Variants in CCDC201 observed in about 807,000 individuals in gnomAD.
CCDC201 encodes the protein coiled-coil domain containing 201.
At chr7:45,867,585 G>T (rs1370549583) in intron 1 of CCDC201, among the ~76,000 whole-genome samples, 1 of 152,204 alleles carries the variant, frequency 6.6e-6, no homozygotes, top group Admixed American at 6.5e-5. Context: ...CATGTCCATT[G>T]CCTGGACAGA....
At chr7:45,881,991 C>G in the CCDC201 span, among the ~76,000 whole-genome samples, 1 of 152,136 alleles carries the variant, frequency 6.6e-6, no homozygotes, top group Non-Finnish European at 1.5e-5. Context: ...GGCAGCACGT[C>G]GGGCCTTTGC....
At chr7:45,883,094 T>TAAACG in the CCDC201 span, among the ~76,000 whole-genome samples, 1 of 152,070 alleles carries the variant, frequency 6.6e-6, no homozygotes, top group African/African-American at 2.4e-5. Context: ...ATAGTAAACG[T>TAAACG]TTATGAAACA....
At chr7:45,881,521 C>T in the CCDC201 span, among the ~76,000 whole-genome samples, 13 of 152,162 alleles carry the variant, frequency 8.5e-5, no homozygotes, top group Non-Finnish European at 1.6e-4. Flanking sequence ...GGGGATGGGC[C>T]TTTCTACTCA....
the CCDC201 span, among the ~76,000 whole-genome samples, chr7:45,879,919 CT>C: frequency 3.9e-5 from 6 of 152,138 alleles, no homozygotes; most frequent in African/African-American, 1.4e-4. Context: ...AACCCCATCT[CT>C]ATTAAAAATA....
At chr7:45,868,234 G>T (rs1270654967) in intron 1 of CCDC201, among the ~76,000 whole-genome samples, 3 of 152,150 alleles carry the variant, frequency 2.0e-5, no homozygotes, top group Admixed American at 2.0e-4. Flanking sequence ...ATTGGTGGGA[G>T]GCCTCAGTTT....
chr7:45,864,666 C>A (rs1786649584), intron 2 of CCDC201, among the ~76,000 whole-genome samples: 1 of 152,084 alleles, frequency 6.6e-6, no homozygotes, highest in Non-Finnish European at 1.5e-5. Context: ...AAAATCAGCA[C>A]CCTCAGAAGG....
chr7:45,866,573 C>A (rs1156693483), intron 1 of CCDC201, 79 bp from the exon 2 acceptor site: 2 of 152,188 alleles, frequency 1.3e-5, no homozygotes, highest in Non-Finnish European at 2.9e-5. Context: ...TGACCCCAGG[C>A]ACATTCTTAT....
At chr7:45,867,436 T>A (rs1786690530) in intron 1 of CCDC201, among the ~76,000 whole-genome samples, 1 of 152,150 alleles carries the variant, frequency 6.6e-6, no homozygotes, top group Non-Finnish European at 1.5e-5. Context: ...GGCAATGACA[T>A]CCTAAATCAA....
chr7:45,865,510 T>C (rs758157393), intron 2 of CCDC201, among the ~76,000 whole-genome samples: 6 of 152,138 alleles, frequency 3.9e-5, no homozygotes, highest in Non-Finnish European at 7.3e-5. Flanking sequence ...CTTCAAAGCA[T>C]AGGAAGATGC....
chr7:45,884,561 G>C, the CCDC201 span, among the ~76,000 whole-genome samples: 1 of 152,092 alleles, frequency 6.6e-6, no homozygotes, highest in African/African-American at 2.4e-5. Context: ...TGTTATTCCA[G>C]CTCCCAGCAG....
chr7:45,870,197 C>A (rs1272406735), intron 1 of CCDC201, among the ~76,000 whole-genome samples: 1 of 152,202 alleles, frequency 6.6e-6, no homozygotes, highest in Non-Finnish European at 1.5e-5. Context: ...AGTAGTGCAT[C>A]TCATTTGCAC....
intron 1 of CCDC201, among the ~76,000 whole-genome samples, chr7:45,871,308 T>C (rs1409605152): frequency 6.6e-6 from 1 of 152,030 alleles, no homozygotes; most frequent in Non-Finnish European, 1.5e-5. Flanking sequence ...CAAGTCCCTG[T>C]AACTCATGGC....
exon 3 of CCDC201, chr7:45,861,448 ATTT>A (rs1309678612): frequency 5.3e-5 from 8 of 152,328 alleles, no homozygotes; most frequent in South Asian, 4.1e-4. Flanking sequence ...CAGTAAATAA[ATTT>A]TTATCACTCA....
At chr7:45,872,563 G>C (rs1390057457) in intron 1 of CCDC201, among the ~76,000 whole-genome samples, 1 of 152,156 alleles carries the variant, frequency 6.6e-6, no homozygotes, top group African/African-American at 2.4e-5. Flanking sequence ...AGATGGAGGA[G>C]GACCAATGCC....
At chr7:45,865,012 CAA>C (rs1786653430) in intron 2 of CCDC201, among the ~76,000 whole-genome samples, 1 of 151,960 alleles carries the variant, frequency 6.6e-6, no homozygotes, top group African/African-American at 2.4e-5. Flanking sequence ...CCAAGAACCA[CAA>C]AAGGGACCTG....
intron 2 of CCDC201, 74 bp from the exon 3 acceptor site, chr7:45,863,245 T>C (rs74728391): frequency 0.038 from 5,842 of 152,394 alleles, 181 homozygotes; most frequent in Admixed American, 0.086. Context: ...CTGCAAAATG[T>C]GCTTTAGAAA....
the CCDC201 span, among the ~76,000 whole-genome samples, chr7:45,882,257 G>A: frequency 0.017 from 2,588 of 152,198 alleles, 73 homozygotes; most frequent in Non-Finnish European, 0.02. Context: ...GGAAGCACCC[G>A]TGTGACTGCA....
chr7:45,873,287 C>G (rs1786762452), upstream of CCDC201, among the ~76,000 whole-genome samples: 1 of 140,770 alleles, frequency 7.1e-6, no homozygotes, highest in Non-Finnish European at 1.5e-5. Flanking sequence ...CCCCACCCCC[C>G]AGCAACAAGC....
intron 1 of CCDC201, among the ~76,000 whole-genome samples, chr7:45,868,727 C>G (rs1357499858): frequency 6.6e-6 from 1 of 152,148 alleles, no homozygotes; most frequent in East Asian, 1.9e-4. Context: ...TGGGGAGGAC[C>G]CTTCCTCAAC....
Sources: allele counts gnomAD v4.1 joint callset (sites outside exome capture counted in the v4.1 genomes callset), GRCh38; gene constraint gnomAD v4.1.1; transcripts MANE v1.5; gene names NCBI Gene and HGNC (gene_info 2026-07-23, HGNC 2026-07-21).